EAF2: variants seen among roughly 807,000 people sequenced by gnomAD.
EAF2 encodes the protein ELL-associated factor 2.
A neutral mutation model predicts 29.4 loss-of-function variants in EAF2; 29 were observed. The ratio of observed to expected loss-of-function variants is 0.99; its 90% CI spans 0.73 to 1.35. EAF2 has a LOEUF of 1.35. EAF2 is among the 40% of genes most tolerant of loss of function. The probability of loss-of-function intolerance (pLI) is 0.00; values close to 1 mark genes in which losing one functional copy is unlikely to be tolerated. For synonymous variants in EAF2, 103 were observed against 102.5 expected (o/e 1.00, Z -0.03); for missense variants, 292 against 312.0 (o/e 0.94, Z 0.48).
intron 1 of EAF2, chr3:121,836,148 T>TA (rs1708274222): frequency 6.6e-6 from 1 of 152,242 alleles, no homozygotes; most frequent in Non-Finnish European, 1.5e-5. Flanking sequence ...TATAAGTTTT[T>TA]ATGTGTAAGA....
At chr3:121,861,298 G>T (rs547282075) in intron 4 of EAF2, among the ~76,000 whole-genome samples, 1 of 152,196 alleles carries the variant, frequency 6.6e-6, no homozygotes, top group South Asian at 2.1e-4. Flanking sequence ...TTATTGTTTG[G>T]GAGTCTAAGT....
intron 5 of EAF2, among the ~76,000 whole-genome samples, chr3:121,880,589 C>T (rs1459592335): frequency 6.6e-6 from 1 of 151,858 alleles, no homozygotes; most frequent in African/African-American, 2.4e-5. Flanking sequence ...TATCTTGCAA[C>T]TTTACTGAAA....
chr3:121,881,953 TATCA>T (rs1462737631), intron 5 of EAF2, among the ~76,000 whole-genome samples: 1 of 152,172 alleles, frequency 6.6e-6, no homozygotes, highest in Non-Finnish European at 1.5e-5. Context: ...TATGAAATGG[TATCA>T]ATCTAATTCA....
intron 5 of EAF2, chr3:121,873,033 C>A: frequency 1.4e-6 from 1 of 726,496 alleles, no homozygotes; most frequent in Non-Finnish European, 2.4e-6. Context: ...TGATCCTCTG[C>A]TCAGTCATTA....
At chr3:121,864,680 G>A (rs1294524819) in intron 4 of EAF2, among the ~76,000 whole-genome samples, 1 of 151,994 alleles carries the variant, frequency 6.6e-6, no homozygotes, top group Non-Finnish European at 1.5e-5. Context: ...GCTGGGTGTG[G>A]TGGTGTATGC....
chr3:121,848,759 A>G (rs1708577324), intron 2 of EAF2, among the ~76,000 whole-genome samples: 1 of 152,188 alleles, frequency 6.6e-6, no homozygotes, highest in Non-Finnish European at 1.5e-5. Context: ...AGGATCTAGA[A>G]GAACATGTCA....
intron 2 of EAF2, among the ~76,000 whole-genome samples, chr3:121,845,466 A>AGAAG (rs1217647777): frequency 6.7e-5 from 10 of 149,088 alleles, no homozygotes; most frequent in African/African-American, 2.4e-4. Flanking sequence ...AAAAAAAGAA[A>AGAAG]GAAAGAAAAA....
At chr3:121,851,032 T>C (rs1205880530) in intron 2 of EAF2, among the ~76,000 whole-genome samples, 1 of 152,184 alleles carries the variant, frequency 6.6e-6, no homozygotes, top group African/African-American at 2.4e-5. Context: ...AAGTTAAGTA[T>C]ATATAAATAG....
intron 5 of EAF2, among the ~76,000 whole-genome samples, chr3:121,881,283 T>C (rs1576659226): frequency 6.6e-6 from 1 of 152,170 alleles, no homozygotes; most frequent in Admixed American, 6.5e-5. Flanking sequence ...TTGAGAAGAA[T>C]TGGTATTTAT....
intron 5 of EAF2, among the ~76,000 whole-genome samples, chr3:121,873,762 A>C (rs1339395483): frequency 6.6e-6 from 1 of 151,882 alleles, no homozygotes; most frequent in South Asian, 2.1e-4. Context: ...GGACCCTTAT[A>C]CATGCTGTCC....
chr3:121,877,347 A>G (rs1266113959), intron 5 of EAF2, among the ~76,000 whole-genome samples: 1 of 151,994 alleles, frequency 6.6e-6, no homozygotes, highest in Non-Finnish European at 1.5e-5. Flanking sequence ...CTGTAAATAC[A>G]TAATAGACAT....
Position 121,857,056 on chromosome 3 carries a change from A to G in EAF2, c.384A>G (p.Gln128=), listed in dbSNP as rs1486632109. The change falls in exon 4 of 6, where the codon CAA becomes CAG. Residue 128 remains glutamine, a synonymous_variant. Coordinates refer to ENST00000273668, the MANE Select transcript of EAF2 (RefSeq NM_018456.6). ...SKIQYRKEQQ[Q]QQMWNSARTP... ...TTCAGTATCGTAAAGAACAACAGCA[A>G]CAACAAATGTGGAATTCAGCCAGGA... The G allele has an allele frequency of 6.2e-6, 10 of 1,613,832 alleles. No individual in the cohort carries two copies. The highest frequency in any genetic ancestry group is 7.6e-6 in the Non-Finnish European group (9 of 1,179,908).
chr3:121,877,205 A>ATG (rs938477789), intron 5 of EAF2, among the ~76,000 whole-genome samples: 7 of 151,554 alleles, frequency 4.6e-5, no homozygotes, highest in African/African-American at 1.7e-4. Flanking sequence ...TTCACTATGT[A>ATG]TGTGTGTGTG....
At chr3:121,858,018 C>T (rs1054392694) in intron 4 of EAF2, among the ~76,000 whole-genome samples, 12 of 152,298 alleles carry the variant, frequency 7.9e-5, no homozygotes, top group Admixed American at 1.3e-4. Flanking sequence ...TTTATGGCTG[C>T]ATAGTATTCC....
chr3:121,864,265 T>A (rs1476922616), intron 4 of EAF2, among the ~76,000 whole-genome samples: 3 of 152,200 alleles, frequency 2.0e-5, no homozygotes, highest in Non-Finnish European at 4.4e-5. Context: ...CACATAGCTG[T>A]CCAATTTCAG....
intron 4 of EAF2, among the ~76,000 whole-genome samples, chr3:121,862,367 TTCTTTTTAC>T (rs1477144909): frequency 6.6e-6 from 1 of 152,206 alleles, no homozygotes; most frequent in Non-Finnish European, 1.5e-5. Context: ...CTTTGTTCAT[TTCTTTTTAC>T]TCTTTTTACT....
At position 121,872,573 on chromosome 3, in the gene EAF2, G is replaced by A. The variant is rs369929009; in HGVS notation, c.521G>A (p.Ser174Asn). Residue 174 changes from serine (S) to asparagine (N), a missense_variant, in exon 5 of 6, where the codon AGT becomes AAT. Physicochemically the swap from Ser to Asn is conservative, Grantham distance 46. Coordinates refer to ENST00000273668, the MANE Select transcript of EAF2 (RefSeq NM_018456.6). ...KAEASLMDQM[S>N]SCDSSSDSKS... ...GAAGCTAGTCTAATGGACCAGATGA[G>A]TAGTTGTGATAGTTCATCAGATTCC... 5 of 1,612,282 alleles carry A rather than the reference G, an allele frequency of 3.1e-6. No individual in the cohort carries two copies. Among genetic ancestry groups the A allele is most frequent in the East Asian group, 2.2e-5 (1 of 44,766 alleles).
In EAF2 at chr3:121,835,348, G is replaced by T. The variant is rs758810086; in HGVS notation, c.63G>T (p.Glu21Asp). The stretch of plus-strand genomic sequence containing the variant: ...GCGAGCGGGTTCTCAAGTTAGGGGA[G>T]AGTTTCGAGAAGCAGCCGCGCTGCG... ...DRRERVLKLG[E>D]SFEKQPRCAF... Residue 21 changes from glutamate to aspartate, a missense_variant, in exon 1 of 6, where the codon GAG (glutamate) becomes GAT (aspartate). Transcript: ENST00000273668. The T allele has an allele frequency of 1.2e-6, 2 of 1,614,180 alleles. No individual in the cohort carries two copies. The highest frequency in any genetic ancestry group is 2.2e-5 in the South Asian group (2 of 91,086).
At chr3:121,865,820 G>T (rs988877037) in intron 4 of EAF2, among the ~76,000 whole-genome samples, 1 of 152,030 alleles carries the variant, frequency 6.6e-6, no homozygotes, top group East Asian at 1.9e-4. Flanking sequence ...CTGGCCTGAG[G>T]TTCCCTTCCT....
Sources: allele counts gnomAD v4.1 joint callset (sites outside exome capture counted in the v4.1 genomes callset), GRCh38; gene constraint gnomAD v4.1.1; transcripts MANE v1.5; gene names NCBI Gene and HGNC (gene_info 2026-07-23, HGNC 2026-07-21).